Variants in PLEKHO2 observed in about 807,000 individuals in gnomAD.
The protein encoded by PLEKHO2 is pleckstrin homology domain containing O2.
PLEKHO2 carries 20 observed loss-of-function variants against 32.7 expected under a neutral mutation model. That is an observed-to-expected ratio of 0.61 (90% CI 0.43 to 0.89). PLEKHO2 has a LOEUF of 0.89. Among genes scored for constraint, PLEKHO2 ranks in the 40% least tolerant of loss-of-function variants. The probability of loss-of-function intolerance (pLI) is 0.00; values close to 1 mark genes in which losing one functional copy is unlikely to be tolerated. For missense variants in PLEKHO2, 568 were observed against 621.2 expected, an observed-to-expected ratio of 0.91 and a Z score of 0.91; for synonymous variants, 247 against 246.3, an observed-to-expected ratio of 1.00 and a Z score of -0.03.
chr15:64,861,061 C>T (rs1195989789), intron 4 of PLEKHO2, among the ~76,000 whole-genome samples: 1 of 152,234 alleles, frequency 6.6e-6, no homozygotes, highest in Non-Finnish European at 1.5e-5. Flanking sequence ...AGAGGCCCTG[C>T]TCTCTCTCTG....
intron 3 of PLEKHO2, among the ~76,000 whole-genome samples, chr15:64,859,117 G>A (rs1326790220): frequency 6.6e-6 from 1 of 152,174 alleles, no homozygotes; most frequent in African/African-American, 2.4e-5. Flanking sequence ...TCCTTTTTAA[G>A]GCTGGCTGAT....
At chr15:64,864,633 C>T (rs776492916) in intron 5 of PLEKHO2, among the ~76,000 whole-genome samples, 10 of 152,194 alleles carry the variant, frequency 6.6e-5, no homozygotes, top group Non-Finnish European at 1.2e-4. Flanking sequence ...CAGCCTGGGG[C>T]TCCAAGAGGA....
intron 4 of PLEKHO2, 147 bp downstream of exon 4, chr15:64,860,145 C>G (rs2084632387): frequency 1.5e-6 from 1 of 655,340 alleles, no homozygotes; most frequent in Admixed American, 2.9e-5. Context: ...CTATAGTCCT[C>G]ACTACAGCCC....
At position 64,865,966 on chromosome 15, in the gene PLEKHO2, C is replaced by G; in HGVS notation, c.*78C>G. 6.7e-7 allele frequency: 1 copy of G among 1,491,562 alleles called. No homozygotes were observed. The highest frequency in any genetic ancestry group is 8.9e-7 in the Non-Finnish European group (1 of 1,119,730). 92.4% of individuals were successfully genotyped at this position (1,491,562 alleles called of 1,614,324 possible). ...AGGCCCAGCCCTGCTGAGAAATGTG[C>G]TTCTGCTTCTACAGCAATGGCTGCA... On this transcript the variant is annotated 3_prime_UTR_variant, in exon 6 of 6. Coordinates refer to ENST00000323544, the MANE Select transcript of PLEKHO2 (RefSeq NM_025201.5).
chr15:64,845,354 G>T (rs1180633175), intron 1 of PLEKHO2, among the ~76,000 whole-genome samples: 1 of 152,006 alleles, frequency 6.6e-6, no homozygotes, highest in African/African-American at 2.4e-5. Context: ...AGGAAGAACA[G>T]CGGTCAGCTG....
chr15:64,857,468 G>A (rs764101334), intron 3 of PLEKHO2, among the ~76,000 whole-genome samples: 18 of 152,156 alleles, frequency 1.2e-4, no homozygotes, highest in Admixed American at 3.3e-4. Flanking sequence ...CTGAGTAGCC[G>A]GGACTGCAGG....
chr15:64,854,837 G>C, intron 2 of PLEKHO2, 84 bp from the exon 3 acceptor site: 1 of 1,057,476 alleles, frequency 9.5e-7, no homozygotes, highest in Non-Finnish European at 1.5e-6. Context: ...CGCTGAGTGG[G>C]ATCAGGGTCT....
intron 1 of PLEKHO2, among the ~76,000 whole-genome samples, chr15:64,844,365 C>T (rs560383341): frequency 6.6e-6 from 1 of 152,298 alleles, no homozygotes; most frequent in South Asian, 2.1e-4. Context: ...GCCTCGGTTC[C>T]TCCTTTGTAA....
chr15:64,854,506 C>T (rs561189463), intron 2 of PLEKHO2, among the ~76,000 whole-genome samples: 1 of 152,316 alleles, frequency 6.6e-6, no homozygotes, highest in South Asian at 2.1e-4. Context: ...AAGTCGTTGT[C>T]CCCCGTCCCC....
At chr15:64,844,948 C>T (rs1449645656) in intron 1 of PLEKHO2, among the ~76,000 whole-genome samples, 1 of 152,238 alleles carries the variant, frequency 6.6e-6, no homozygotes. Flanking sequence ...TATACAGCGT[C>T]TCTGTTACCC....
In PLEKHO2 at chr15:64,866,001, T is replaced by C. The variant is rs957770672; in HGVS notation, c.*113T>C. 9.0e-5 allele frequency: 121 copies of C among 1,346,826 alleles called. 1 individual carries two copies. The East Asian group carries it at 1.9e-3, about 21-fold the overall frequency. The allele number at this position is 1,346,826 out of a possible 1,614,324, so 83.4% of individuals were successfully genotyped here. The stretch of plus-strand genomic sequence containing the variant: ...TACAGCAATGGCTGCAGGAGGGCCA[T>C]TGGGCATGTCAGGGTTTGGCCATGA... On this transcript the variant is annotated 3_prime_UTR_variant, in exon 6 of 6. Transcript: ENST00000323544.
intron 2 of PLEKHO2, among the ~76,000 whole-genome samples, chr15:64,851,442 C>G (rs1040991503): frequency 1.3e-5 from 2 of 152,134 alleles, no homozygotes; most frequent in Admixed American, 1.3e-4. Context: ...CTAAATCATG[C>G]TTTTTTCCCC....
At chr15:64,849,616 T>C (rs2084551292) in intron 2 of PLEKHO2, among the ~76,000 whole-genome samples, 1 of 151,114 alleles carries the variant, frequency 6.6e-6, no homozygotes, top group Admixed American at 6.6e-5. Flanking sequence ...GCTAATTTTG[T>C]ATTTTTAGTA....
rs143923411 is a variant in PLEKHO2 at position 64,856,749 on chromosome 15, C to G, written c.279+1712C>G. 6.4e-4 allele frequency among the ~76,000 whole-genome samples: 97 copies of G among 152,276 alleles called. 1 individual carries two copies. The highest frequency in any genetic ancestry group is 2.3e-3 in the African/African-American group (95 of 41,564). On this transcript the variant is annotated intron_variant, in intron 3 of 5. Coordinates refer to ENST00000323544, the MANE Select transcript of PLEKHO2 (RefSeq NM_025201.5). ...CATCCTGGTTCCAGCTCAAGGGTCCCTGACCCTCCCCACCCCAGGAGCTCA... is the reference window on the plus strand; with the variant it reads ...CATCCTGGTTCCAGCTCAAGGGTCCGTGACCCTCCCCACCCCAGGAGCTCA...
At position 64,859,802 on chromosome 15, in the gene PLEKHO2, G is replaced by C. The variant is rs1267345250; in HGVS notation, c.280-92G>C. ...CTTAACTGTGGGGTCATTTTGGTTT[G>C]ACTTTGGGATCTAGGTAAGGAAGCC... is the stretch of plus-strand genomic sequence containing the variant. On this transcript the variant is annotated intron_variant, in intron 3 of 5. Coordinates refer to ENST00000323544, the MANE Select transcript of PLEKHO2 (RefSeq NM_025201.5). The C allele has an allele frequency of 4.6e-6, 5 of 1,083,808 alleles. No individual in the cohort carries two copies. In the Admixed American group the frequency reaches 7.3e-5, roughly 16 times the overall value. 67.1% of individuals were successfully genotyped at this position (1,083,808 alleles called of 1,614,324 possible).
rs34879327 is a variant in PLEKHO2, at chr15:64,862,939, CTT to C, written c.483+1381_483+1382del. Among the ~76,000 whole-genome samples, 601 of 120,064 alleles carry C rather than the reference CTT, an allele frequency of 5.0e-3. 2 individuals carry two copies. Among genetic ancestry groups the C allele is most frequent in the East Asian group, 0.044 (150 of 3,420 alleles). 78.8% of individuals were successfully genotyped at this position (120,064 alleles called of 152,430 possible). On this transcript the variant is annotated intron_variant, in intron 5 of 5. Transcript: ENST00000323544. Reference sequence around the variant, plus strand: ...CTATCCCTCCCCTCTCCCCCCACCTCTTTTTTTTTTTTTTTTTTGAGATTGAG... The same window carrying C: ...CTATCCCTCCCCTCTCCCCCCACCTCTTTTTTTTTTTTTTTTGAGATTGAG...
chr15:64,864,882 A>G lies in PLEKHO2; in HGVS notation c.484-17A>G, dbSNP rs770036703. 1.3e-6 allele frequency: 2 copies of G among 1,549,894 alleles called. No homozygotes were observed. The highest frequency in any genetic ancestry group is 1.7e-6 in the Non-Finnish European group (2 of 1,155,084). ...TAGTCAGCCAAGATGACACCCATAT[A>G]CCATCCCCCCCACCAGGTGGCCAGT... On this transcript the variant is annotated splice_polypyrimidine_tract_variant and intron_variant, in intron 5 of 5. Coordinates refer to ENST00000323544, the MANE Select transcript of PLEKHO2 (RefSeq NM_025201.5).
intron 2 of PLEKHO2, among the ~76,000 whole-genome samples, chr15:64,853,992 C>G (rs2140341509): frequency 6.6e-6 from 1 of 152,284 alleles, no homozygotes; most frequent in African/African-American, 2.4e-5. Flanking sequence ...TGTACCCTCC[C>G]CCACCAAAGG....
chr15:64,851,080 A>G (rs907396423), intron 2 of PLEKHO2, among the ~76,000 whole-genome samples: 5 of 152,148 alleles, frequency 3.3e-5, no homozygotes, highest in African/African-American at 1.2e-4. Context: ...TCGGAGAAAC[A>G]CCTTGTCTGA....
Sources: allele counts gnomAD v4.1 joint callset (sites outside exome capture counted in the v4.1 genomes callset), GRCh38; gene constraint gnomAD v4.1.1; transcripts MANE v1.5; gene names NCBI Gene and HGNC (gene_info 2026-07-23, HGNC 2026-07-21).